AKR1B10: variants seen among roughly 807,000 people sequenced by gnomAD.
AKR1B10 encodes the protein aldo-keto reductase family 1 member B10.
In AKR1B10, 39 loss-of-function variants were observed where a neutral mutation model predicts 38.9. That is an observed-to-expected ratio of 1.00 (90% CI 0.78 to 1.31). AKR1B10 has a LOEUF of 1.31. AKR1B10 is among the 50% of genes most tolerant of loss of function. AKR1B10 has a pLI of 0.00. For synonymous variants in AKR1B10, 148 were observed against 141.2 expected, an observed-to-expected ratio of 1.05 and a Z score of -0.34; for missense variants, 361 against 382.6, an observed-to-expected ratio of 0.94 and a Z score of 0.47.
chr7:134,533,191 T>G (rs1562930353), intron 4 of AKR1B10, 110 bp downstream of exon 4: 1 of 906,246 alleles, frequency 1.1e-6, no homozygotes, highest in Non-Finnish European at 1.7e-6. Context: ...AATTTCATCA[T>G]TGTGATTTTC....
Position 134,533,018 on chromosome 7 carries a change from T to C in AKR1B10, c.366T>C (p.Leu122=). Residue 122 remains leucine, a synonymous_variant, in exon 4 of 10, where the codon CTT becomes CTC. Transcript: ENST00000359579. Reference sequence around the variant, plus strand: ...TGTGTTCACAGTCTGGGGATGACCTTTTCCCCAAAGATGATAAAGGTAATG... The same window carrying C: ...TGTGTTCACAGTCTGGGGATGACCTCTTCCCCAAAGATGATAAAGGTAATG... ...WPQGFKSGDD[L]FPKDDKGNAI... The C allele has an allele frequency of 6.2e-7, 1 of 1,602,468 alleles. No individual in the cohort carries two copies. Among genetic ancestry groups the C allele is most frequent in the Non-Finnish European group, 8.5e-7 (1 of 1,176,064 alleles).
chr7:134,537,994 A>T (rs1209656075), intron 7 of AKR1B10, among the ~76,000 whole-genome samples, 200 bp from the exon 8 acceptor site: 2 of 151,834 alleles, frequency 1.3e-5, no homozygotes, highest in Non-Finnish European at 1.5e-5. Flanking sequence ...TAAAAAAGGA[A>T]GATCACAGGG....
At chr7:134,529,455 G>T (rs1168463175) in intron 1 of AKR1B10, among the ~76,000 whole-genome samples, 1 of 152,180 alleles carries the variant, frequency 6.6e-6, no homozygotes, top group Non-Finnish European at 1.5e-5. Flanking sequence ...TTGAATGAAA[G>T]AATTATGAAG....
Position 134,541,312 on chromosome 7 carries a change from T to C in AKR1B10, c.*223T>C. On this transcript the variant is annotated 3_prime_UTR_variant, in exon 10 of 10. Coordinates refer to ENST00000359579, the MANE Select transcript of AKR1B10 (RefSeq NM_020299.5). ...TGGCTTGAATAAGGAAATGACAATTTTTTCCACTTATCTGATCAGAACAAA... is the reference window on the plus strand; with the variant it reads ...TGGCTTGAATAAGGAAATGACAATTCTTTCCACTTATCTGATCAGAACAAA... The C allele has an allele frequency of 2.1e-6, 1 of 484,444 alleles. No individual in the cohort carries two copies. The highest frequency in any genetic ancestry group is 2.6e-5 in the South Asian group (1 of 38,946). The allele number at this position is 484,444 out of a possible 1,614,324, so 30.0% of individuals were successfully genotyped here. A position where few individuals can be genotyped will look rare whatever the true frequency, so the allele number is the denominator to read the frequency against.
At chr7:134,532,732 G>T (rs541620037) in intron 3 of AKR1B10, among the ~76,000 whole-genome samples, 5 of 152,166 alleles carry the variant, frequency 3.3e-5, no homozygotes, top group African/African-American at 1.2e-4. Flanking sequence ...TGGGATCTAG[G>T]TGTATGAGGT....
At chr7:134,538,866 T>C (rs1485391680) in intron 8 of AKR1B10, 69 bp from the exon 9 acceptor site, 2 of 1,575,348 alleles carry the variant, frequency 1.3e-6, no homozygotes, top group Non-Finnish European at 1.7e-6. Flanking sequence ...CCTGCTAGAA[T>C]GGCCGGCAGT....
chr7:134,534,184 C>A (rs1446604832), intron 4 of AKR1B10, among the ~76,000 whole-genome samples: 1 of 152,100 alleles, frequency 6.6e-6, no homozygotes, highest in African/African-American at 2.4e-5. Context: ...TGCAGTGGCA[C>A]AATCTTGGCT....
chr7:134,536,433 T>G (rs1462777404), intron 4 of AKR1B10, among the ~76,000 whole-genome samples: 1 of 152,226 alleles, frequency 6.6e-6, no homozygotes, highest in Non-Finnish European at 1.5e-5. Flanking sequence ...AATCTTTACC[T>G]GTTACTCCTA....
Position 134,530,700 on chromosome 7 carries a change from C to T in AKR1B10, c.124C>T (p.His42Tyr), listed in dbSNP as rs996921542. The change falls in exon 2 of 10, where the codon CAC (histidine) becomes TAC (tyrosine). Residue 42 changes from histidine to tyrosine, a missense_variant. Physicochemically the swap from His to Tyr is moderately conservative, Grantham distance 83 (BLOSUM62 2). This residue lies in a region of AKR1B10 where 220 missense variants were observed against 216.1 expected (regional missense o/e 1.02). Coordinates refer to ENST00000359579, the MANE Select transcript of AKR1B10 (RefSeq NM_020299.5). ...VKVAIDAGYRHIDCAYVYQNE... is the reference protein window; with the variant it reads ...VKVAIDAGYRYIDCAYVYQNE... Reference sequence around the variant, plus strand: ...GGTGGCCATTGATGCAGGATATCGGCACATTGACTGTGCCTATGTCTATCA... The same window carrying T: ...GGTGGCCATTGATGCAGGATATCGGTACATTGACTGTGCCTATGTCTATCA... 3 of 1,613,962 alleles carry T rather than the reference C, an allele frequency of 1.9e-6. No homozygotes were observed. Among genetic ancestry groups the T allele is most frequent in the South Asian group, 1.1e-5 (1 of 91,084 alleles).
At position 134,527,808 on chromosome 7, in the gene AKR1B10, T is replaced by C; in HGVS notation, c.-104T>C. ...TTGTAGTGAGCTGAGATCGCACCAC[T>C]GCACTCTAGCCTTGGCAACAGTGCA... On this transcript the variant is annotated 5_prime_UTR_variant, in exon 1 of 10. Transcript: ENST00000359579. 1 of 1,549,876 alleles carries C rather than the reference T, an allele frequency of 6.5e-7. No individual in the cohort carries two copies. The highest frequency in any genetic ancestry group is 8.8e-7 in the Non-Finnish European group (1 of 1,131,042).
chr7:134,530,554 TG>T (rs1339774838), intron 1 of AKR1B10, 88 bp from the exon 2 acceptor site: 2 of 1,455,884 alleles, frequency 1.4e-6, no homozygotes, highest in Non-Finnish European at 1.9e-6. Flanking sequence ...TGCTTGAACC[TG>T]GGAGTGTGAG....
intron 4 of AKR1B10, among the ~76,000 whole-genome samples, chr7:134,533,667 C>A (rs540105409): frequency 6.6e-6 from 1 of 152,166 alleles, no homozygotes; most frequent in South Asian, 2.1e-4. Context: ...GGGATTAGAC[C>A]CAGACTCATC....
intron 1 of AKR1B10, among the ~76,000 whole-genome samples, chr7:134,528,251 C>T (rs1210313741): frequency 1.3e-5 from 2 of 152,222 alleles, no homozygotes; most frequent in Admixed American, 1.3e-4. Context: ...AGGGCAGTTT[C>T]TCTCTCTGGT....
chr7:134,538,688 C>A (rs537648221), intron 8 of AKR1B10, among the ~76,000 whole-genome samples: 21 of 152,258 alleles, frequency 1.4e-4, no homozygotes, highest in African/African-American at 4.6e-4. Flanking sequence ...GGCCTGTGCA[C>A]GCCTGGGGTT....
chr7:134,530,280 C>A (rs140665730), intron 1 of AKR1B10, among the ~76,000 whole-genome samples: 65 of 152,274 alleles, frequency 4.3e-4, no homozygotes, highest in African/African-American at 1.4e-3. Context: ...TCAGGACTAA[C>A]CTGGATGAAA....
chr7:134,540,600 G>C (rs1436811854), intron 9 of AKR1B10, among the ~76,000 whole-genome samples: 1 of 152,188 alleles, frequency 6.6e-6, no homozygotes, highest in Non-Finnish European at 1.5e-5. Flanking sequence ...AAAGTAGGAT[G>C]ATAATACTAA....
chr7:134,537,607 G>A lies in AKR1B10; in HGVS notation c.687G>A (p.Leu229=). ...PWAKPEDPSL[L]EDPKIKEIAA... ...CCAAGCCAGAAGACCCTTCCCTGCT[G>A]GAGGATCCCAAGATTAAGGAGATTG... The change falls in exon 7 of 10, where the codon CTG becomes CTA. Residue 229 remains leucine, a synonymous_variant. Transcript: ENST00000359579. 6.2e-7 allele frequency: 1 copy of A among 1,614,046 alleles called. No homozygotes were observed. Among genetic ancestry groups the A allele is most frequent in the South Asian group, 1.1e-5 (1 of 91,078 alleles).
chr7:134,534,600 C>G (rs906972960), intron 4 of AKR1B10, among the ~76,000 whole-genome samples: 2 of 152,174 alleles, frequency 1.3e-5, no homozygotes, highest in Non-Finnish European at 1.5e-5. Context: ...ATCAGAGGCT[C>G]TGATTTGAAA....
chr7:134,534,768 C>T (rs1807952704), intron 4 of AKR1B10, among the ~76,000 whole-genome samples: 1 of 152,166 alleles, frequency 6.6e-6, no homozygotes, highest in Non-Finnish European at 1.5e-5. Flanking sequence ...TGCACAAAAA[C>T]TTTTAAATTA....
Sources: gnomAD v4.1 joint callset for allele counts (sites outside exome capture counted in the v4.1 genomes callset) on GRCh38, gnomAD v4.1.1 for gene constraint, gnomAD v4.1.1 regional missense constraint, MANE v1.5 for transcripts, NCBI Gene and HGNC (gene_info 2026-07-23, HGNC 2026-07-21) for gene names.